The following MSANTD2 variants were observed in gnomAD, a reference collection of about 807,000 sequenced individuals.
MSANTD2 encodes Myb/SANT DNA binding domain containing 2.
Under a neutral mutation model 52.6 loss-of-function variants are expected in MSANTD2, and 19 were observed. The ratio of observed to expected loss-of-function variants is 0.36; its 90% CI spans 0.25 to 0.53. The LOEUF is 0.53. Ranked by LOEUF, MSANTD2 falls within the 20% of genes least tolerant of loss-of-function variation. The pLI is 0.91. For synonymous variants in MSANTD2, 291 were observed against 289.7 expected, an observed-to-expected ratio of 1.00 and a Z score of -0.04; for missense variants, 558 against 716.3, an observed-to-expected ratio of 0.78 and a Z score of 2.52.
At chr11:124,770,834 G>A (rs962867202) in intron 3 of MSANTD2, among the ~76,000 whole-genome samples, 3 of 146,506 alleles carry the variant, frequency 2.0e-5, no homozygotes, top group African/African-American at 7.7e-5. Context: ...CTGGGTTCAA[G>A]CAATTCTCTT....
chr11:124,798,775 T>C (rs934757041), intron 1 of MSANTD2, among the ~76,000 whole-genome samples: 1 of 152,174 alleles, frequency 6.6e-6, no homozygotes, highest in African/African-American at 2.4e-5. Context: ...ATAATTGTTC[T>C]TGGTGGTTTT....
rs943830205 is a variant in MSANTD2 at position 124,791,974 on chromosome 11, T to C, written c.510+7897A>G. On this transcript the variant is annotated intron_variant, in intron 1 of 3. Transcript: ENST00000374979. ...GTTAATATTTACAAAGCACTTAGAA[T>C]AGTGCATGGCACATAGAAAATACTA... The C allele has an allele frequency of 1.8e-5, 4 of 224,138 alleles. 1 individual carries two copies. Among genetic ancestry groups the C allele is most frequent in the African/African-American group, 9.3e-5 (4 of 43,064 alleles). 13.9% of individuals were successfully genotyped at this position (224,138 alleles called of 1,614,324 possible). A position where few individuals can be genotyped will look rare whatever the true frequency, so the allele number is the denominator to read the frequency against.
intron 1 of MSANTD2, chr11:124,775,985 C>T (rs1279912469): frequency 6.6e-6 from 1 of 152,218 alleles, no homozygotes; most frequent in Non-Finnish European, 1.5e-5. Flanking sequence ...ATCCCAGCTT[C>T]CAAATTTAGT....
intron 1 of MSANTD2, among the ~76,000 whole-genome samples, chr11:124,777,190 A>C (rs908307601): frequency 2.0e-5 from 3 of 151,376 alleles, no homozygotes; most frequent in African/African-American, 7.3e-5. Context: ...ACTCTTTTCA[A>C]CTCCTCCAAG....
chr11:124,782,314 T>C (rs1368361402), intron 1 of MSANTD2, among the ~76,000 whole-genome samples: 2 of 149,792 alleles, frequency 1.3e-5, no homozygotes, highest in African/African-American at 4.9e-5. Context: ...AGTCTGGGTG[T>C]GGTGGTGTGC....
intron 1 of MSANTD2, among the ~76,000 whole-genome samples, chr11:124,799,374 C>T (rs1376539653): frequency 3.9e-5 from 6 of 152,244 alleles, no homozygotes; most frequent in Admixed American, 1.3e-4. Flanking sequence ...GACACAAAGG[C>T]CAGTCGTCCC....
At chr11:124,786,615 T>C (rs1249633764) in intron 1 of MSANTD2, among the ~76,000 whole-genome samples, 1 of 152,228 alleles carries the variant, frequency 6.6e-6, no homozygotes, top group African/African-American at 2.4e-5. Context: ...AATGACTGAA[T>C]GAATACAATT....
intron 1 of MSANTD2, 145 bp downstream of exon 1, chr11:124,799,726 G>A (rs1945623984): frequency 6.7e-6 from 4 of 598,710 alleles, no homozygotes; most frequent in Non-Finnish European, 1.1e-5. Context: ...TTCCCAGGGA[G>A]AGAAGAAAAA....
At chr11:124,784,129 G>T (rs1945078917) in intron 1 of MSANTD2, 1 of 984,474 alleles carries the variant, frequency 1.0e-6, no homozygotes, top group Admixed American at 6.2e-5. Flanking sequence ...AACACTATTT[G>T]TCTAGAACTT....
At chr11:124,770,624 G>A (rs137999811) in intron 3 of MSANTD2, among the ~76,000 whole-genome samples, 18 of 151,622 alleles carry the variant, frequency 1.2e-4, no homozygotes, top group Non-Finnish European at 4.4e-5. Flanking sequence ...TTTTTTTTTC[G>A]AGACAGAGTC....
At chr11:124,778,767 T>C (rs950990922) in intron 1 of MSANTD2, among the ~76,000 whole-genome samples, 41 of 152,226 alleles carry the variant, frequency 2.7e-4, no homozygotes, top group Admixed American at 1.6e-3. Context: ...TGACAATTTA[T>C]AGGACAGAGT....
At chr11:124,790,773 A>G (rs948366527) in intron 1 of MSANTD2, 1 of 159,156 alleles carries the variant, frequency 6.3e-6, no homozygotes, top group African/African-American at 2.4e-5. Context: ...TTAAGTCTCC[A>G]GTCTCATTTC....
chr11:124,788,751 T>C (rs1287905058), intron 1 of MSANTD2, among the ~76,000 whole-genome samples: 1 of 152,186 alleles, frequency 6.6e-6, no homozygotes, highest in Admixed American at 6.5e-5. Flanking sequence ...TGCTTGGTAG[T>C]ACAAACCTCA....
At chr11:124,771,641 G>A (rs1023350016) in intron 3 of MSANTD2, among the ~76,000 whole-genome samples, 78 of 152,150 alleles carry the variant, frequency 5.1e-4, no homozygotes, top group African/African-American at 1.9e-3. Flanking sequence ...ATGGTGACGC[G>A]CCTGTAGTCC....
At chr11:124,785,985 T>G (rs146249513) in intron 1 of MSANTD2, among the ~76,000 whole-genome samples, 101 of 152,038 alleles carry the variant, frequency 6.6e-4, no homozygotes, top group African/African-American at 2.3e-3. Flanking sequence ...GGCAAGTCAC[T>G]GTATTTACTT....
intron 1 of MSANTD2, among the ~76,000 whole-genome samples, chr11:124,793,715 C>T (rs537350472): frequency 1.1e-4 from 16 of 152,122 alleles, no homozygotes; most frequent in Non-Finnish European, 1.5e-5. Flanking sequence ...TCCTAGGGAA[C>T]CTAGAATATG....
chr11:124,784,834 G>T, intron 1 of MSANTD2: 1 of 174,664 alleles, frequency 5.7e-6, no homozygotes, highest in Non-Finnish European at 1.1e-5. Context: ...CTTCCCTCAA[G>T]ACCTCTGGGT....
chr11:124,791,167 G>A (rs1565466442), intron 1 of MSANTD2: 2 of 928,140 alleles, frequency 2.2e-6, no homozygotes, highest in South Asian at 1.4e-5. Context: ...GTGAATGGGA[G>A]CTGGTTTCAG....
At chr11:124,777,783 A>C (rs995689136) in intron 1 of MSANTD2, among the ~76,000 whole-genome samples, 2 of 152,224 alleles carry the variant, frequency 1.3e-5, no homozygotes, top group Admixed American at 6.5e-5. Flanking sequence ...AAATCATGTT[A>C]AAAAAGATTT....
Sources: gnomAD v4.1 joint callset for allele counts (sites outside exome capture counted in the v4.1 genomes callset) on GRCh38, gnomAD v4.1.1 for gene constraint, MANE v1.5 for transcripts, NCBI Gene and HGNC (gene_info 2026-07-23, HGNC 2026-07-21) for gene names.